RPSA2: variants seen among roughly 807,000 people sequenced by gnomAD.
The protein encoded by RPSA2 is small ribosomal subunit protein uS2B.
At chr19:23,761,860 A>G in the RPSA2 span, among the ~76,000 whole-genome samples, 8 of 146,200 alleles carry the variant, frequency 5.5e-5, no homozygotes, top group Admixed American at 5.6e-4. Flanking sequence ...ACATGGAATG[A>G]CTGAGGAGCC....
chr19:23,815,337 T>A, the RPSA2 span, among the ~76,000 whole-genome samples: 2 of 152,168 alleles, frequency 1.3e-5, no homozygotes, highest in Non-Finnish European at 2.9e-5. Context: ...TAATGTTGGA[T>A]GTGAGACCTG....
the RPSA2 span, chr19:23,831,718 C>A: frequency 3.9e-6 from 1 of 258,918 alleles, no homozygotes; most frequent in Non-Finnish European, 8.4e-6. Flanking sequence ...TGAGAAATGG[C>A]TGTAAAAGTG....
the RPSA2 span, among the ~76,000 whole-genome samples, chr19:23,772,462 C>T: frequency 1.3e-5 from 2 of 152,102 alleles, no homozygotes; most frequent in African/African-American, 4.8e-5. Context: ...CTTATAAGTG[C>T]GATGATTACT....
the RPSA2 span, chr19:23,833,285 A>G: frequency 6.6e-6 from 5 of 763,336 alleles, no homozygotes; most frequent in Middle Eastern, 4.8e-4. Context: ...GATAACTTAT[A>G]TTGAAGAGAA....
chr19:23,831,858 AATAAG>A, the RPSA2 span: 2 of 282,962 alleles, frequency 7.1e-6, no homozygotes, highest in African/African-American at 4.6e-5. Flanking sequence ...TCAAACAAAA[AATAAG>A]ATATACTGGA....
the RPSA2 span, among the ~76,000 whole-genome samples, chr19:23,761,868 G>A: frequency 8.0e-6 from 1 of 124,238 alleles, no homozygotes. Flanking sequence ...TGACTGAGGA[G>A]CCTTTCTAAG....
chr19:23,855,354 A>G, the RPSA2 span, among the ~76,000 whole-genome samples: 1 of 152,232 alleles, frequency 6.6e-6, no homozygotes. Context: ...ACCTCAGTAC[A>G]AAGAGTCTGT....
chr19:23,865,453 C>G, the RPSA2 span, among the ~76,000 whole-genome samples: 1 of 152,096 alleles, frequency 6.6e-6, no homozygotes, highest in Non-Finnish European at 1.5e-5. Flanking sequence ...TCAAAGTAGA[C>G]CCTTCTGTTT....
the RPSA2 span, among the ~76,000 whole-genome samples, chr19:23,829,762 A>G: frequency 9.8e-5 from 15 of 152,316 alleles, no homozygotes; most frequent in African/African-American, 3.4e-4. Flanking sequence ...GTTGCTAATT[A>G]TATCTTATGT....
At chr19:23,849,221 A>C in the RPSA2 span, among the ~76,000 whole-genome samples, 1 of 152,222 alleles carries the variant, frequency 6.6e-6, no homozygotes, top group Non-Finnish European at 1.5e-5. Flanking sequence ...GAGGTAAACA[A>C]AGCAGAATGC....
chr19:23,857,785 G>A, the RPSA2 span, among the ~76,000 whole-genome samples: 4 of 152,116 alleles, frequency 2.6e-5, no homozygotes, highest in Admixed American at 2.6e-4. Flanking sequence ...GTGAGCCACT[G>A]CACCTGGCCC....
At chr19:23,783,574 G>A in the RPSA2 span, among the ~76,000 whole-genome samples, 2 of 149,178 alleles carry the variant, frequency 1.3e-5, no homozygotes, top group Admixed American at 1.3e-4. Flanking sequence ...ACAGATTTCT[G>A]GACCAAGCAC....
At chr19:23,839,333 T>G in the RPSA2 span, among the ~76,000 whole-genome samples, 2 of 152,262 alleles carry the variant, frequency 1.3e-5, no homozygotes, top group Non-Finnish European at 2.9e-5. Context: ...TTAAATTTAT[T>G]GAGGCGCGTT....
chr19:23,850,862 A>T, the RPSA2 span, among the ~76,000 whole-genome samples: 1 of 152,148 alleles, frequency 6.6e-6, no homozygotes, highest in Non-Finnish European at 1.5e-5. Flanking sequence ...TGGTTAAATT[A>T]TTCTTTTGTT....
the RPSA2 span, among the ~76,000 whole-genome samples, chr19:23,834,667 T>G: frequency 6.6e-6 from 1 of 152,082 alleles, no homozygotes; most frequent in Non-Finnish European, 1.5e-5. Flanking sequence ...TTATAAATTA[T>G]TTGTGAAATT....
chr19:23,762,065 G>A, the RPSA2 span, among the ~76,000 whole-genome samples: 67,735 of 150,290 alleles, frequency 0.45, 16,279 homozygotes, highest in Non-Finnish European at 0.56. Context: ...TTATAGGCGT[G>A]CGCCACCACG....
chr19:23,815,958 T>C, the RPSA2 span, among the ~76,000 whole-genome samples: 23 of 150,064 alleles, frequency 1.5e-4, no homozygotes, highest in Admixed American at 1.5e-3. Flanking sequence ...ACATATCTAA[T>C]ACACAATTGT....
the RPSA2 span, among the ~76,000 whole-genome samples, chr19:23,826,858 G>A: frequency 7.0e-5 from 9 of 128,308 alleles, no homozygotes; most frequent in South Asian, 2.0e-3. Context: ...GCTAATTTTT[G>A]TATTTTTTTT....
the RPSA2 span, among the ~76,000 whole-genome samples, chr19:23,776,803 G>T: frequency 6.6e-6 from 1 of 152,292 alleles, no homozygotes. Context: ...TGGGCCCAAT[G>T]CCGAGGTGAT....
Sources: gnomAD v4.1 joint callset for allele counts (sites outside exome capture counted in the v4.1 genomes callset) on GRCh38, gnomAD v4.1.1 for gene constraint, MANE v1.5 for transcripts, NCBI Gene and HGNC (gene_info 2026-07-23, HGNC 2026-07-21) for gene names.